The following E2F1 variants were observed in gnomAD, a reference collection of about 807,000 sequenced individuals.
The protein encoded by E2F1 is transcription factor E2F1.
In E2F1, 7 loss-of-function variants were observed where a neutral mutation model predicts 36.9. That is an observed-to-expected ratio of 0.19 (90% CI 0.11 to 0.36). E2F1 has a LOEUF of 0.36. Ranked by LOEUF, E2F1 falls within the 10% of genes least tolerant of loss-of-function variation. E2F1 has a pLI of 1.00. For missense variants in E2F1, 406 were observed against 573.6 expected (o/e 0.71, Z 2.99); for synonymous variants, 261 against 263.1 (o/e 0.99, Z 0.08).
rs139667011 is a variant in E2F1 at position 33,679,811 on chromosome 20, G to A, written c.516C>T (p.Asn172=). Residue 172 remains asparagine, a synonymous_variant, in exon 3 of 7, where the codon AAC becomes AAT. Transcript: ENST00000343380. The surrounding 1 kb of genome is among the most constrained non-coding windows in gnomAD (Gnocchi z 4.6). ...VQKRRIYDIT[N]VLEGIQLIAK... Reference sequence around the variant, plus strand: ...CAATGAGCTGGATGCCCTCAAGGACGTTGGTGATGTCATAGATGCGCCGCT... The same window carrying A: ...CAATGAGCTGGATGCCCTCAAGGACATTGGTGATGTCATAGATGCGCCGCT... 222 of 1,614,188 alleles carry A rather than the reference G, an allele frequency of 1.4e-4. No individual in the cohort carries two copies. The East Asian group carries it at 3.6e-3, about 26-fold the overall frequency.
intron 2 of E2F1, 69 bp from the exon 3 acceptor site, chr20:33,680,043 C>T: frequency 1.5e-6 from 2 of 1,338,352 alleles, no homozygotes; most frequent in Non-Finnish European, 2.1e-6. Flanking sequence ...AGGCCTGCCA[C>T]TCTGGCAGTG....
rs1338409013 is a variant in E2F1 at position 33,686,306 on chromosome 20, G to A, written c.-42C>T. 5 of 995,376 alleles carry A rather than the reference G, an allele frequency of 5.0e-6. No homozygotes were observed. Among genetic ancestry groups the A allele is most frequent in the Non-Finnish European group, 6.0e-6 (5 of 837,602 alleles). 61.7% of individuals were successfully genotyped at this position (995,376 alleles called of 1,614,324 possible). Reference sequence around the variant, plus strand: ...GCGGCCCGGGTGACAGGCGGCGGCGGCGGCGCGGGCCCATGGCGGCAGGCC... The same window carrying A: ...GCGGCCCGGGTGACAGGCGGCGGCGACGGCGCGGGCCCATGGCGGCAGGCC... On this transcript the variant is annotated 5_prime_UTR_variant, in exon 1 of 7. Coordinates refer to ENST00000343380, the MANE Select transcript of E2F1 (RefSeq NM_005225.3).
At chr20:33,680,528 CTGAG>C (rs1601187077) in intron 1 of E2F1, 112 bp from the exon 2 acceptor site, 1 of 860,726 alleles carries the variant, frequency 1.2e-6, no homozygotes. Context: ...AGCAGGATGC[CTGAG>C]TGTGTGACTG....
intron 4 of E2F1, among the ~76,000 whole-genome samples, chr20:33,677,969 T>C (rs577035463): frequency 6.6e-6 from 1 of 152,320 alleles, no homozygotes; most frequent in Admixed American, 6.5e-5. Flanking sequence ...CACTTTTCTT[T>C]TTTAATCTGT....
intron 1 of E2F1, among the ~76,000 whole-genome samples, chr20:33,682,786 G>GC (rs1444982245): frequency 6.6e-6 from 1 of 152,190 alleles, no homozygotes; most frequent in Non-Finnish European, 1.5e-5. Context: ...GCTTTGTTTA[G>GC]CCCCTTGAAC....
chr20:33,677,907 A>G (rs1437188202), intron 4 of E2F1, among the ~76,000 whole-genome samples: 1 of 152,064 alleles, frequency 6.6e-6, no homozygotes, highest in African/African-American at 2.4e-5. Context: ...TGATCCTCCC[A>G]CCTCAGCCTC....
At position 33,677,205 on chromosome 20, in the gene E2F1, G is replaced by A. The variant is rs1568908018; in HGVS notation, c.966C>T (p.Asn322=). The change falls in exon 6 of 7, where the codon AAC becomes AAT. Residue 322 remains asparagine, a synonymous_variant. Coordinates refer to ENST00000343380, the MANE Select transcript of E2F1 (RefSeq NM_005225.3). ...CTATGGTGGCAGAGTCAGTGGCCCT[G>A]TTCTCCTCCTCAGAAGTGACCTCCT... ...PSQEVTSEEE[N]RATDSATIVS... 1.2e-6 allele frequency: 2 copies of A among 1,614,058 alleles called. No homozygotes were observed. Among genetic ancestry groups the A allele is most frequent in the Admixed American group, 1.7e-5 (1 of 60,006 alleles).
At chr20:33,681,619 G>T (rs1219251762) in intron 1 of E2F1, among the ~76,000 whole-genome samples, 3 of 152,096 alleles carry the variant, frequency 2.0e-5, no homozygotes, top group African/African-American at 7.2e-5. Context: ...CCAGGATTGG[G>T]ACTGTCCTGG....
Position 33,684,805 on chromosome 20 carries a change from C to T in E2F1, c.261+1199G>A, listed in dbSNP as rs1421087933. On this transcript the variant is annotated intron_variant, in intron 1 of 6. Coordinates refer to ENST00000343380, the MANE Select transcript of E2F1 (RefSeq NM_005225.3). ...GATGCCTCAGGGACCAGCTGCCACC[C>T]ACACCCCCATCAGCAGTTAGGCAGC... 2.0e-5 allele frequency among the ~76,000 whole-genome samples: 3 copies of T among 152,098 alleles called. No homozygotes were observed. In the South Asian group the frequency reaches 6.2e-4, roughly 32 times the overall value.
At position 33,676,867 on chromosome 20, in the gene E2F1, G is replaced by A. The variant is rs1388938377; in HGVS notation, c.1179C>T (p.Gly393=). Residue 393 remains glycine (G), a synonymous_variant, in exon 7 of 7, where the codon GGC becomes GGT. Coordinates refer to ENST00000343380, the MANE Select transcript of E2F1 (RefSeq NM_005225.3). Reference sequence around the variant, plus strand: ...GGCTGATGAACTCCTCAGGGAGGAGGCCGGAGAAGTCCTCCCGCACATGCT... The same window carrying A: ...GGCTGATGAACTCCTCAGGGAGGAGACCGGAGAAGTCCTCCCGCACATGCT... ...LLEHVREDFS[G]LLPEEFISLS... 1.3e-6 allele frequency: 2 copies of A among 1,584,380 alleles called. No individual in the cohort carries two copies. The highest frequency in any genetic ancestry group is 1.7e-6 in the Non-Finnish European group (2 of 1,164,268).
At position 33,679,742 on chromosome 20, in the gene E2F1, G is replaced by A. The variant is rs750229586; in HGVS notation, c.572+13C>T. The A allele has an allele frequency of 2.7e-5, 43 of 1,612,048 alleles. No individual in the cohort carries two copies. Among genetic ancestry groups the A allele is most frequent in the Non-Finnish European group, 3.5e-5 (41 of 1,179,474 alleles). On this transcript the variant is annotated intron_variant, in intron 3 of 6. Transcript: ENST00000343380. The surrounding 1 kb of genome is among the most constrained non-coding windows in gnomAD (Gnocchi z 4.6). ...GGCAGGTGTGCCTGCCCTCCTGTGTGGCCGGTACCTACAGCCACTGGATGT... is the reference window on the plus strand; with the variant it reads ...GGCAGGTGTGCCTGCCCTCCTGTGTAGCCGGTACCTACAGCCACTGGATGT...
intron 1 of E2F1, among the ~76,000 whole-genome samples, chr20:33,682,057 T>A (rs1255729749): frequency 1.4e-5 from 2 of 143,826 alleles, no homozygotes; most frequent in African/African-American, 2.6e-5. Flanking sequence ...CTAGGAGGTG[T>A]CACCTCTTCT....
intron 1 of E2F1, among the ~76,000 whole-genome samples, chr20:33,684,764 G>A (rs1483661346): frequency 1.3e-5 from 2 of 152,134 alleles, no homozygotes; most frequent in Admixed American, 1.3e-4. Context: ...CAAGGGGGTT[G>A]GGGGAGCCTC....
rs2018000661 is a variant in E2F1 at position 33,679,656 on chromosome 20, A to G, written c.572+99T>C. ...CCTCTCTGAGCCCGTTTCCCCAGCT[A>G]TAAGATGGGGATGCAGGCAGCCACA... On this transcript the variant is annotated intron_variant, in intron 3 of 6. Coordinates refer to ENST00000343380, the MANE Select transcript of E2F1 (RefSeq NM_005225.3). This position sits in a 1 kb window ranked among gnomAD's most constrained non-coding sequence, Gnocchi z 4.6. 9 of 1,093,040 alleles carry G rather than the reference A, an allele frequency of 8.2e-6. 1 individual carries two copies. In the South Asian group the frequency reaches 1.1e-4, roughly 14 times the overall value. 67.7% of individuals were successfully genotyped at this position (1,093,040 alleles called of 1,614,324 possible). A position where few individuals can be genotyped will look rare whatever the true frequency, so the allele number is the denominator to read the frequency against.
At chr20:33,680,971 C>T (rs545377558) in intron 1 of E2F1, among the ~76,000 whole-genome samples, 1 of 152,350 alleles carries the variant, frequency 6.6e-6, no homozygotes, top group South Asian at 2.1e-4. Context: ...CAAGCCAGAG[C>T]TGGATAAGTC....
Position 33,676,711 on chromosome 20 carries a change from C to T in E2F1, c.*21G>A. ...GAGACAAGGTGAGCATCTCTGGAAA[C>T]CCTGGTCCCTCCAAGCCCTGTCAGA... On this transcript the variant is annotated 3_prime_UTR_variant, in exon 7 of 7. Coordinates refer to ENST00000343380, the MANE Select transcript of E2F1 (RefSeq NM_005225.3). The T allele has an allele frequency of 6.3e-7, 1 of 1,587,988 alleles. No homozygotes were observed. The highest frequency in any genetic ancestry group is 1.1e-5 in the South Asian group (1 of 87,190).
chr20:33,676,767 A>G lies in E2F1; in HGVS notation c.1279T>C (p.Cys427Arg), dbSNP rs1277250317. ...EGEGIRDLFD[C>R]DFGDLTPLDF ...AGGGGGGTGAGGTCCCCAAAGTCAC[A>G]GTCGAAGAGGTCTCTGATGCCCTCG... is the stretch of plus-strand genomic sequence containing the variant. Residue 427 changes from cysteine to arginine, a missense_variant, in exon 7 of 7, where the codon TGT becomes CGT. Cys to Arg is a radical substitution (Grantham distance 180). Around this residue, in one of 5 missense-constraint regions of E2F1, gnomAD observed 163 missense variants for 181.5 expected, o/e 0.90. Transcript: ENST00000343380. 4 of 1,609,072 alleles carry G rather than the reference A, an allele frequency of 2.5e-6. No homozygotes were observed. Among genetic ancestry groups the G allele is most frequent in the Non-Finnish European group, 3.4e-6 (4 of 1,177,774 alleles).
At chr20:33,681,794 T>C (rs928180946) in intron 1 of E2F1, among the ~76,000 whole-genome samples, 7 of 152,190 alleles carry the variant, frequency 4.6e-5, no homozygotes, top group African/African-American at 1.7e-4. Context: ...CCCAGTGGGC[T>C]GCTGAGCAGA....
Position 33,686,026 on chromosome 20 carries a change from C to G in E2F1, c.239G>C (p.Arg80Pro). The change falls in exon 1 of 7, where the codon CGG (arginine) becomes CCG (proline). Residue 80 changes from arginine to proline, a missense_variant. By Grantham distance (103) the Arg-to-Pro change is moderately radical (BLOSUM62 -2). Around this residue, in one of 5 missense-constraint regions of E2F1, gnomAD observed 77 missense variants for 131.7 expected, o/e 0.58. Transcript: ENST00000343380. ...QAPRPTPSAPRPALGRPPVKR... is the reference protein window; with the variant it reads ...QAPRPTPSAPPPALGRPPVKR... The stretch of plus-strand genomic sequence containing the variant: ...TACCGGCGGGCGGCCGAGCGCGGGC[C>G]GCGGCGCACTGGGTGTGGGCCGGGG... 2 of 1,133,016 alleles carry G rather than the reference C, an allele frequency of 1.8e-6. No individual in the cohort carries two copies. Among genetic ancestry groups the G allele is most frequent in the Non-Finnish European group, 2.2e-6 (2 of 925,796 alleles). 70.2% of individuals were successfully genotyped at this position (1,133,016 alleles called of 1,614,324 possible).
Sources: allele counts gnomAD v4.1 joint callset (sites outside exome capture counted in the v4.1 genomes callset), GRCh38; gene constraint gnomAD v4.1.1; regional missense constraint gnomAD v4.1.1; non-coding constraint Gnocchi (gnomAD v3.1); transcripts MANE v1.5; gene names NCBI Gene and HGNC (gene_info 2026-07-23, HGNC 2026-07-21).